Variants in CACNA1A observed in about 807,000 individuals in gnomAD.
CACNA1A encodes calcium voltage-gated channel subunit alpha1 A, also known as voltage-dependent P/Q-type calcium channel subunit alpha-1A.
CACNA1A carries 57 observed loss-of-function variants against 262.4 expected under a neutral mutation model. The observed-to-expected ratio is 0.22, with a 90% CI of 0.18 to 0.27. The LOEUF (loss-of-function observed/expected upper bound fraction) is 0.27. Ranked by LOEUF, CACNA1A falls within the 10% of genes least tolerant of loss-of-function variation. The pLI, the probability that CACNA1A is intolerant of heterozygous loss-of-function variation, is 1.00. For missense variants in CACNA1A, 2,526 were observed against 3,562.8 expected (o/e 0.71, Z 7.41); for synonymous variants, 1,431 against 1,419.3 (o/e 1.01, Z -0.18).
chr19:13,415,822 TGAAGA>T (rs1371669556), intron 3 of CACNA1A, among the ~76,000 whole-genome samples: 5 of 136,040 alleles, frequency 3.7e-5, no homozygotes, highest in South Asian at 2.3e-4. Context: ...GATTTAACAA[TGAAGA>T]GAAAACTCCA....
intron 31 of CACNA1A, among the ~76,000 whole-genome samples, chr19:13,240,778 TGC>T (rs1271218603): frequency 1.3e-5 from 2 of 150,944 alleles, no homozygotes; most frequent in South Asian, 2.1e-4. Context: ...GCACAGTGTG[TGC>T]GCAGTGACTG....
At chr19:13,483,472 C>T (rs1979612566) in intron 1 of CACNA1A, among the ~76,000 whole-genome samples, 1 of 152,170 alleles carries the variant, frequency 6.6e-6, no homozygotes, top group African/African-American at 2.4e-5. Flanking sequence ...TCAGAGCACC[C>T]CGTTCTCCAC....
At chr19:13,371,603 C>T in intron 4 of CACNA1A, 85 bp downstream of exon 4, 3 of 947,998 alleles carry the variant, frequency 3.2e-6, no homozygotes, top group Non-Finnish European at 4.9e-6. Flanking sequence ...CAGGATGTGG[C>T]CTCCTGAGAT....
In CACNA1A at chr19:13,298,646, G is replaced by A. The variant is rs750356248; in HGVS notation, c.2987C>T (p.Pro996Leu). 10 of 1,519,434 alleles carry A rather than the reference G, an allele frequency of 6.6e-6. No homozygotes were observed. Among genetic ancestry groups the A allele is most frequent in the South Asian group, 6.1e-5 (5 of 81,556 alleles). 94.1% of individuals were successfully genotyped at this position (1,519,434 alleles called of 1,614,324 possible). A position where few individuals can be genotyped will look rare whatever the true frequency, so the allele number is the denominator to read the frequency against. Residue 996 changes from proline (P) to leucine (L), a missense_variant, in exon 19 of 47, where the codon CCC becomes CTC. Coordinates refer to ENST00000360228, the MANE Select transcript of CACNA1A (RefSeq NM_001127222.2). ...ARGGEGEGEG[P>L]DGGERRRRHR... ...CCTTCTCCTGCGCTCGCCCCCGTCG[G>A]GGCCCTCGCCCTCGCCCTCGCCGCC...
chr19:13,476,430 T>C (rs1009539064), intron 1 of CACNA1A, among the ~76,000 whole-genome samples: 3 of 152,206 alleles, frequency 2.0e-5, no homozygotes, highest in Non-Finnish European at 4.4e-5. Context: ...TGAGCACCTA[T>C]GATATGCCAC....
chr19:13,211,908 G>A, intron 43 of CACNA1A, 195 bp downstream of exon 43: 3 of 571,168 alleles, frequency 5.3e-6, no homozygotes, highest in Non-Finnish European at 9.4e-6. Flanking sequence ...CTCTGTGAGG[G>A]AGGAGGGTCT....
At chr19:13,366,714 T>G (rs768564813) in intron 4 of CACNA1A, among the ~76,000 whole-genome samples, 2 of 152,076 alleles carry the variant, frequency 1.3e-5, no homozygotes, top group Non-Finnish European at 2.9e-5. Flanking sequence ...TTGGGCAACT[T>G]GCACCCAGAA....
chr19:13,449,157 G>A (rs1320000689), intron 3 of CACNA1A, among the ~76,000 whole-genome samples: 1 of 150,678 alleles, frequency 6.6e-6, no homozygotes, highest in East Asian at 2.0e-4. Context: ...TTTTATAGAT[G>A]GGGTTTCACC....
At chr19:13,492,529 A>G (rs1981014147) in intron 1 of CACNA1A, among the ~76,000 whole-genome samples, 3 of 152,134 alleles carry the variant, frequency 2.0e-5, no homozygotes, top group Admixed American at 1.3e-4. Context: ...CATTTCCAGG[A>G]ATCTGTCCTA....
intron 19 of CACNA1A, among the ~76,000 whole-genome samples, chr19:13,292,042 A>C (rs1022541559): frequency 6.6e-6 from 1 of 152,190 alleles, no homozygotes; most frequent in African/African-American, 2.4e-5. Flanking sequence ...TTCCCTTTGC[A>C]AGCAGATAGG....
chr19:13,407,737 T>A (rs2060037239), intron 3 of CACNA1A, among the ~76,000 whole-genome samples: 1 of 152,198 alleles, frequency 6.6e-6, no homozygotes, highest in South Asian at 2.1e-4. Context: ...ACGTCTGTAA[T>A]CCTAGCACTT....
At position 13,207,696 on chromosome 19, in the gene CACNA1A, G is replaced by T; in HGVS notation, c.7138C>A (p.Pro2380Thr). ...GCCCCGCCGTGTCGACAGGCCCTGG[G>T]GGACTCGCTCCGGGCCGGGCCTGGG... ...RVPGPARSES[P>T]RACRHGGARW... Residue 2380 changes from proline (P) to threonine (T), a missense_variant, in exon 47 of 47, where the codon CCC (proline) becomes ACC (threonine). By Grantham distance (38) the Pro-to-Thr change is conservative. Transcript: ENST00000360228. This position sits in a 1 kb window ranked among gnomAD's most constrained non-coding sequence, Gnocchi z 5.7. 7.2e-7 allele frequency: 1 copy of T among 1,389,966 alleles called. No homozygotes were observed. The highest frequency in any genetic ancestry group is 3.2e-5 in the Admixed American group (1 of 31,320). The allele number at this position is 1,389,966 out of a possible 1,614,324, so 86.1% of individuals were successfully genotyped here.
Position 13,436,546 on chromosome 19 carries a change from C to T in CACNA1A, c.539+16330G>A, listed in dbSNP as rs1286372386. Reference sequence around the variant, plus strand: ...ATTCATTCACTCACTCATTCATTCACTCATTCATTCATCCACTCACTCATT... The same window carrying T: ...ATTCATTCACTCACTCATTCATTCATTCATTCATTCATCCACTCACTCATT... On this transcript the variant is annotated intron_variant, in intron 3 of 46. Transcript: ENST00000360228. Among the ~76,000 whole-genome samples, 16 of 151,726 alleles carry T rather than the reference C, an allele frequency of 1.1e-4. 1 individual carries two copies. The highest frequency in any genetic ancestry group is 3.4e-4 in the African/African-American group (14 of 41,200).
intron 1 of CACNA1A, among the ~76,000 whole-genome samples, chr19:13,484,932 G>A (rs1427054445): frequency 2.0e-5 from 3 of 152,134 alleles, no homozygotes; most frequent in Admixed American, 2.0e-4. Context: ...TAAATTATAA[G>A]TAGTAATAAC....
chr19:13,235,603 C>G lies in CACNA1A; in HGVS notation c.5067+11G>C. 1 of 1,576,878 alleles carries G rather than the reference C, an allele frequency of 6.3e-7. No homozygotes were observed. The highest frequency in any genetic ancestry group is 8.7e-7 in the Non-Finnish European group (1 of 1,146,228). On this transcript the variant is annotated intron_variant, in intron 32 of 46. Coordinates refer to ENST00000360228, the MANE Select transcript of CACNA1A (RefSeq NM_001127222.2). ...CTCAGCCCTGGGCCAGCAGCAGGGA[C>G]GAGGACTCACCTTGAAGGACTGCAC... is the stretch of plus-strand genomic sequence containing the variant.
At chr19:13,497,505 AAAAAAAAAAAAAAAAAATATATAT>A (rs1981710777) in intron 1 of CACNA1A, among the ~76,000 whole-genome samples, 3 of 41,314 alleles carry the variant, frequency 7.3e-5, no homozygotes, top group African/African-American at 3.0e-4. Flanking sequence ...AAAAAAAAAA[AAAAAAAAAAAAAAAAAATATATAT>A]ATATATATAT....
At chr19:13,365,526 G>T in intron 4 of CACNA1A, 57 bp from the exon 5 acceptor site, 2 of 1,512,412 alleles carry the variant, frequency 1.3e-6, no homozygotes, top group East Asian at 2.3e-5. Flanking sequence ...CCCAAACCCC[G>T]CCACCAAGAC....
At chr19:13,254,457 G>C (rs550235226) in intron 29 of CACNA1A, among the ~76,000 whole-genome samples, 20 of 151,948 alleles carry the variant, frequency 1.3e-4, no homozygotes, top group Middle Eastern at 3.4e-3. Context: ...CCGCCTCCCG[G>C]GTTCAAGCAA....
At chr19:13,465,221 G>A (rs534230685) in intron 1 of CACNA1A, among the ~76,000 whole-genome samples, 23 of 152,094 alleles carry the variant, frequency 1.5e-4, no homozygotes, top group African/African-American at 2.2e-4. Context: ...ATGAGCCACC[G>A]CGTCCAGCCT....
Sources: gnomAD v4.1 joint callset for allele counts (sites outside exome capture counted in the v4.1 genomes callset) on GRCh38, gnomAD v4.1.1 for gene constraint, Gnocchi (gnomAD v3.1) non-coding constraint, MANE v1.5 for transcripts, NCBI Gene and HGNC (gene_info 2026-07-23, HGNC 2026-07-21) for gene names.